The following BIRC6 variants were observed in gnomAD, a reference collection of about 807,000 sequenced individuals.
The protein encoded by BIRC6 is dual E2 ubiquitin-conjugating enzyme/E3 ubiquitin-protein ligase BIRC6.
A neutral mutation model predicts 503.3 loss-of-function variants in BIRC6; 98 were observed. The observed-to-expected ratio is 0.19, with a 90% CI of 0.17 to 0.23. BIRC6 has a LOEUF of 0.23. Ranked by LOEUF, BIRC6 falls within the 10% of genes least tolerant of loss-of-function variation. The pLI, the probability that BIRC6 is intolerant of heterozygous loss-of-function variation, is 1.00. For synonymous variants in BIRC6, 2,240 were observed against 2,078.7 expected (o/e 1.08, Z -2.11); for missense variants, 5,360 against 5,806.0 (o/e 0.92, Z 2.50).
At chr2:32,601,554 C>T (rs1222690240) in intron 70 of BIRC6, among the ~76,000 whole-genome samples, 2 of 152,128 alleles carry the variant, frequency 1.3e-5, no homozygotes, top group Non-Finnish European at 2.9e-5. Flanking sequence ...GCACTCCAGC[C>T]TGGGCTACAG....
At chr2:32,577,943 C>T (rs575904695) in intron 66 of BIRC6, among the ~76,000 whole-genome samples, 1 of 152,200 alleles carries the variant, frequency 6.6e-6, no homozygotes, top group East Asian at 1.9e-4. Flanking sequence ...AATGAGTGTT[C>T]GTAAAGCTCA....
intron 1 of BIRC6, among the ~76,000 whole-genome samples, chr2:32,374,621 C>G (rs1431318912): frequency 1.3e-5 from 2 of 151,820 alleles, no homozygotes; most frequent in African/African-American, 2.4e-5. Context: ...TACAGGCGCC[C>G]GCCACCACGC....
chr2:32,471,581 A>G (rs569708480), intron 32 of BIRC6, among the ~76,000 whole-genome samples: 5 of 152,278 alleles, frequency 3.3e-5, no homozygotes, highest in South Asian at 2.1e-4. Context: ...AGCTTTCTTT[A>G]TAGGTTCAAA....
At chr2:32,383,148 G>T (rs1011685230) in intron 3 of BIRC6, among the ~76,000 whole-genome samples, 2 of 151,916 alleles carry the variant, frequency 1.3e-5, no homozygotes, top group African/African-American at 4.8e-5. Context: ...CTGGGTTCAG[G>T]TGGTTCTCCT....
intron 6 of BIRC6, among the ~76,000 whole-genome samples, chr2:32,400,874 T>A (rs568721315): frequency 3.3e-5 from 5 of 152,188 alleles, no homozygotes; most frequent in Admixed American, 6.5e-5. Flanking sequence ...GTATGTAATA[T>A]AGCATTGTAT....
intron 23 of BIRC6, among the ~76,000 whole-genome samples, chr2:32,462,289 G>A (rs2048078131): frequency 6.6e-6 from 1 of 152,176 alleles, no homozygotes; most frequent in Admixed American, 6.5e-5. Context: ...ATTGGATTAA[G>A]TTGTGAAATG....
At chr2:32,565,313 T>C (rs1346861651) in intron 65 of BIRC6, 2 of 152,210 alleles carry the variant, frequency 1.3e-5, no homozygotes, top group African/African-American at 4.8e-5. Flanking sequence ...TATCTAGTTT[T>C]TATAAAATTC....
intron 21 of BIRC6, among the ~76,000 whole-genome samples, chr2:32,447,644 G>A (rs1460322082): frequency 1.1e-4 from 14 of 123,732 alleles, no homozygotes; most frequent in African/African-American, 2.2e-4. Flanking sequence ...GCGGCTGGCC[G>A]GGCAGGGGGC....
chr2:32,359,064 A>G (rs1360624627), intron 1 of BIRC6, among the ~76,000 whole-genome samples: 1 of 152,258 alleles, frequency 6.6e-6, no homozygotes, highest in Non-Finnish European at 1.5e-5. Context: ...AACTTTACAA[A>G]TAGGATTAAA....
chr2:32,556,501 A>G (rs1001178792), intron 65 of BIRC6, among the ~76,000 whole-genome samples: 1 of 152,172 alleles, frequency 6.6e-6, no homozygotes, highest in East Asian at 1.9e-4. Context: ...ATAACTACCT[A>G]CCAGATTAGC....
chr2:32,490,268 C>A, intron 43 of BIRC6, 117 bp downstream of exon 43: 1 of 902,594 alleles, frequency 1.1e-6, no homozygotes, highest in Non-Finnish European at 1.8e-6. Context: ...GTTGAGTTGG[C>A]CAGATGTGGT....
chr2:32,401,232 G>T lies in BIRC6; in HGVS notation c.1104G>T (p.Leu368Phe). Reference protein sequence around the residue: ...VKGEHTQNVPLSVTLATSPAQ... With the variant: ...VKGEHTQNVPFSVTLATSPAQ... ...GTGAGCACACACAGAATGTGCCATT[G>T]TCAGTCACTCTTGCAACAAGTCCTG... Residue 368 changes from leucine to phenylalanine, a missense_variant, in exon 7 of 74, where the codon TTG (leucine) becomes TTT (phenylalanine). Leu to Phe is a conservative substitution (Grantham distance 22). Transcript: ENST00000421745. 6.2e-7 allele frequency: 1 copy of T among 1,614,036 alleles called. No homozygotes were observed. Among genetic ancestry groups the T allele is most frequent in the Non-Finnish European group, 8.5e-7 (1 of 1,179,890 alleles).
At chr2:32,499,470 G>A (rs966796668) in intron 45 of BIRC6, 77 bp from the exon 46 acceptor site, 52 of 1,308,464 alleles carry the variant, frequency 4.0e-5, no homozygotes, top group East Asian at 1.3e-4. Flanking sequence ...ACTTAAAATC[G>A]TTTAATTTTT....
At chr2:32,576,055 T>C (rs2060247356) in intron 66 of BIRC6, among the ~76,000 whole-genome samples, 1 of 152,212 alleles carries the variant, frequency 6.6e-6, no homozygotes, top group Non-Finnish European at 1.5e-5. Flanking sequence ...CAAATTCACC[T>C]TTGTATTTAG....
chr2:32,599,652 G>A, intron 69 of BIRC6, 87 bp from the exon 70 acceptor site: 2 of 1,403,932 alleles, frequency 1.4e-6, no homozygotes, highest in South Asian at 2.6e-5. Flanking sequence ...AACGAAGGTT[G>A]TTCTTATTTC....
intron 72 of BIRC6, among the ~76,000 whole-genome samples, chr2:32,608,368 AG>A (rs1457419385): frequency 6.6e-6 from 1 of 151,878 alleles, no homozygotes; most frequent in Non-Finnish European, 1.5e-5. Context: ...ATTTTTGAGA[AG>A]TTTTTTTCCT....
At chr2:32,382,464 T>C (rs768219042) in intron 3 of BIRC6, among the ~76,000 whole-genome samples, 94 of 152,338 alleles carry the variant, frequency 6.2e-4, no homozygotes, top group Non-Finnish European at 1.2e-3. Context: ...GGAGCAAGTC[T>C]TTCTTCATCT....
chr2:32,484,281 C>T (rs1572544361), intron 39 of BIRC6, among the ~76,000 whole-genome samples: 3 of 184 alleles, frequency 0.016, no homozygotes, highest in Non-Finnish European at 0.012. Flanking sequence ...TGGCCAGGTG[C>T]GGTGGTCACG....
intron 1 of BIRC6, among the ~76,000 whole-genome samples, chr2:32,361,269 T>C (rs971338609): frequency 6.6e-6 from 1 of 152,118 alleles, no homozygotes; most frequent in Non-Finnish European, 1.5e-5. Flanking sequence ...GTATTTTTGA[T>C]TGGATGCATA....
Sources: gnomAD v4.1 joint callset for allele counts (sites outside exome capture counted in the v4.1 genomes callset) on GRCh38, gnomAD v4.1.1 for gene constraint, MANE v1.5 for transcripts, NCBI Gene and HGNC (gene_info 2026-07-23, HGNC 2026-07-21) for gene names.